The following LRRC53 variants were observed in gnomAD, a reference collection of about 807,000 sequenced individuals.
The protein encoded by LRRC53 is leucine-rich repeat-containing protein 53.
A neutral mutation model predicts 13.6 loss-of-function variants in LRRC53; 25 were observed. The observed-to-expected ratio is 1.83, with a 90% CI of 1.34 to 2.56. LRRC53 has a LOEUF of 2.56. Ranked by LOEUF, LRRC53 falls within the 30% of genes most tolerant of loss-of-function variation. The pLI, the probability that LRRC53 is intolerant of heterozygous loss-of-function variation, is 0.00. For missense variants in LRRC53, 527 were observed against 275.8 expected (o/e 1.91, Z -6.45); for synonymous variants, 204 against 109.8 (o/e 1.86, Z -5.37).
At chr1:74,483,699 C>T (rs1467154890) in intron 1 of LRRC53, among the ~76,000 whole-genome samples, 1 of 152,132 alleles carries the variant, frequency 6.6e-6, no homozygotes, top group Non-Finnish European at 1.5e-5. Flanking sequence ...TCTTTTAATT[C>T]TGCAACCCAA....
chr1:74,509,752 T>C (rs796657238), intron 1 of LRRC53, among the ~76,000 whole-genome samples: 12 of 107,798 alleles, frequency 1.1e-4, no homozygotes, highest in African/African-American at 4.8e-4. Context: ...AATTTCTTTT[T>C]TTTTTTTTTT....
Position 74,480,217 on chromosome 1 carries a change from T to A in LRRC53, c.840A>T (p.Leu280=), listed in dbSNP as rs1273277680. ...DSKAPNFTLV[L]KDRSPLLPGP... The stretch of plus-strand genomic sequence containing the variant: ...CTGGGAGGAGGGGACTTCTGTCCTT[T>A]AGAACCAGAGTGAAGTTGGGAGCTT... The change falls in exon 3 of 5, where the codon CTA becomes CTT. Residue 280 remains leucine, a synonymous_variant. Transcript: ENST00000294635. 1 of 717,526 alleles carries A rather than the reference T, an allele frequency of 1.4e-6. No homozygotes were observed. The highest frequency in any genetic ancestry group is 1.5e-5 in the South Asian group (1 of 67,606). 44.4% of individuals were successfully genotyped at this position (717,526 alleles called of 1,614,324 possible).
At chr1:74,483,672 A>G (rs1245600626) in intron 1 of LRRC53, among the ~76,000 whole-genome samples, 1 of 152,212 alleles carries the variant, frequency 6.6e-6, no homozygotes, top group Non-Finnish European at 1.5e-5. Context: ...CTTTCACCAA[A>G]CATTATCTTA....
At chr1:74,483,187 A>C in intron 2 of LRRC53, 75 bp downstream of exon 2, 1 of 698,956 alleles carries the variant, frequency 1.4e-6, no homozygotes, top group Non-Finnish European at 2.7e-6. Context: ...GAGAACAGTC[A>C]GTACAATGAA....
chr1:74,528,989 G>A, the LRRC53 span, among the ~76,000 whole-genome samples: 3 of 152,174 alleles, frequency 2.0e-5, no homozygotes, highest in Admixed American at 6.5e-5. Context: ...GGAATACATT[G>A]AAGGCACCCC....
chr1:74,480,908 C>A lies in LRRC53; in HGVS notation c.149G>T (p.Ser50Ile). The A allele has an allele frequency of 1.4e-6, 1 of 717,380 alleles. No individual in the cohort carries two copies. The highest frequency in any genetic ancestry group is 2.7e-5 in the East Asian group (1 of 37,270). The allele number at this position is 717,380 out of a possible 1,614,324, so 44.4% of individuals were successfully genotyped here. Residue 50 changes from serine to isoleucine, a missense_variant, in exon 3 of 5, where the codon AGC (serine) becomes ATC (isoleucine). Physicochemically the swap from Ser to Ile is moderately radical, Grantham distance 142. Coordinates refer to ENST00000294635, the MANE Select transcript of LRRC53 (RefSeq NM_001382280.1). ...ITDGYLSSIE[S>I]TNLSLLFNLA... ...ATTAAACAAGAGAGACAGGTTTGTGCTCTCAATAGAGGAGAGATATCCATC... is the reference window on the plus strand; with the variant it reads ...ATTAAACAAGAGAGACAGGTTTGTGATCTCAATAGAGGAGAGATATCCATC...
intron 1 of LRRC53, among the ~76,000 whole-genome samples, chr1:74,487,226 G>C (rs1359336233): frequency 6.6e-6 from 1 of 152,112 alleles, no homozygotes; most frequent in Non-Finnish European, 1.5e-5. Flanking sequence ...AAATGGATGA[G>C]AGAATTATTG....
chr1:74,498,986 TACAC>T (rs1263635984), intron 1 of LRRC53, among the ~76,000 whole-genome samples: 1 of 152,208 alleles, frequency 6.6e-6, no homozygotes, highest in Non-Finnish European at 1.5e-5. Flanking sequence ...TTCTGATAAA[TACAC>T]CAATTATTGA....
upstream of LRRC53, among the ~76,000 whole-genome samples, chr1:74,513,397 T>C (rs1326164296): frequency 6.6e-6 from 1 of 152,222 alleles, no homozygotes; most frequent in Non-Finnish European, 1.5e-5. Flanking sequence ...GAGAACCTGA[T>C]GATGACTGTC....
intron 1 of LRRC53, among the ~76,000 whole-genome samples, chr1:74,493,599 T>A (rs983697104): frequency 2.6e-5 from 4 of 152,220 alleles, no homozygotes; most frequent in Non-Finnish European, 5.9e-5. Flanking sequence ...AATTCAGGGA[T>A]ATACAATCAT....
chr1:74,491,251 C>T (rs755325317), intron 1 of LRRC53, among the ~76,000 whole-genome samples: 1 of 152,162 alleles, frequency 6.6e-6, no homozygotes, highest in Non-Finnish European at 1.5e-5. Flanking sequence ...GAGAGAGTCT[C>T]GCTCTGTCTC....
chr1:74,472,686 C>T (rs1473966263), intron 4 of LRRC53, among the ~76,000 whole-genome samples: 2 of 152,014 alleles, frequency 1.3e-5, no homozygotes, highest in African/African-American at 4.8e-5. Flanking sequence ...ATACTATTGA[C>T]TCAATGAAAG....
chr1:74,530,723 GT>G, the LRRC53 span, among the ~76,000 whole-genome samples: 76,427 of 142,054 alleles, frequency 0.54, 20,763 homozygotes, highest in East Asian at 0.72. Flanking sequence ...AACTCAAAAA[GT>G]TTTTTTTTTT....
chr1:74,476,978 A>G (rs1196108045), intron 3 of LRRC53, among the ~76,000 whole-genome samples: 3 of 152,142 alleles, frequency 2.0e-5, no homozygotes, highest in Non-Finnish European at 2.9e-5. Context: ...TTGAACTCTT[A>G]AATCTATTTT....
At chr1:74,507,750 G>C (rs1445014866) in intron 1 of LRRC53, among the ~76,000 whole-genome samples, 1 of 152,142 alleles carries the variant, frequency 6.6e-6, no homozygotes, top group Non-Finnish European at 1.5e-5. Flanking sequence ...TACTAATATG[G>C]TACTTTAGTG....
chr1:74,509,987 C>G (rs994946696), intron 1 of LRRC53, among the ~76,000 whole-genome samples: 2 of 151,952 alleles, frequency 1.3e-5, no homozygotes, highest in African/African-American at 4.8e-5. Context: ...TTCCTGAATT[C>G]AAGCGATCTG....
the LRRC53 span, among the ~76,000 whole-genome samples, chr1:74,533,006 C>G: frequency 6.6e-6 from 1 of 152,128 alleles, no homozygotes; most frequent in Non-Finnish European, 1.5e-5. Context: ...TAGGCATGGG[C>G]AAGGACTTCA....
At chr1:74,525,410 A>G in the LRRC53 span, among the ~76,000 whole-genome samples, 1 of 152,186 alleles carries the variant, frequency 6.6e-6, no homozygotes. Flanking sequence ...GACAGCAGCT[A>G]GGAAGTAGAG....
chr1:74,475,003 AC>A (rs559936586), intron 4 of LRRC53, among the ~76,000 whole-genome samples: 1 of 304 alleles, frequency 3.3e-3, no homozygotes, highest in East Asian at 0.12. Context: ...TTAAAAGGCT[AC>A]TTTTTTTCTT....
Sources: allele counts gnomAD v4.1 joint callset (sites outside exome capture counted in the v4.1 genomes callset), GRCh38; gene constraint gnomAD v4.1.1; transcripts MANE v1.5; gene names NCBI Gene and HGNC (gene_info 2026-07-23, HGNC 2026-07-21).